ARK2C: variants seen among roughly 807,000 people sequenced by gnomAD.
ARK2C encodes the protein arkadia (RNF111) C-terminal like ring finger ubiquitin ligase 2C.
the ARK2C span, chr18:46,460,532 TTATAA>T: frequency 5.9e-5 from 9 of 152,588 alleles, no homozygotes; most frequent in Non-Finnish European, 1.3e-4. Context: ...GCATTTTTAA[TTATAA>T]TTTATTTATT....
At chr18:46,367,664 A>G in the ARK2C span, among the ~76,000 whole-genome samples, 35 of 152,154 alleles carry the variant, frequency 2.3e-4, no homozygotes, top group South Asian at 4.1e-4. Context: ...TTGTATTCAT[A>G]TGACTTTTGG....
the ARK2C span, among the ~76,000 whole-genome samples, chr18:46,400,494 G>A: frequency 1.3e-5 from 2 of 152,148 alleles, no homozygotes; most frequent in Admixed American, 1.3e-4. Flanking sequence ...TCTGTAACGG[G>A]CAGTTCGTAA....
chr18:46,384,837 C>A, the ARK2C span, among the ~76,000 whole-genome samples: 1 of 152,240 alleles, frequency 6.6e-6, no homozygotes, highest in Non-Finnish European at 1.5e-5. Context: ...GGCAAAATAG[C>A]AAGACCCTGT....
At chr18:46,336,823 G>A in the ARK2C span, 1 of 985,356 alleles carries the variant, frequency 1.0e-6, no homozygotes, top group Non-Finnish European at 1.2e-6. Flanking sequence ...CTTCTTGGCA[G>A]CACCCAGGCA....
At chr18:46,366,148 C>T in the ARK2C span, among the ~76,000 whole-genome samples, 3 of 151,730 alleles carry the variant, frequency 2.0e-5, no homozygotes, top group African/African-American at 4.8e-5. Context: ...CAAAATTAGC[C>T]GGGCGTGGTG....
the ARK2C span, among the ~76,000 whole-genome samples, chr18:46,442,818 G>C: frequency 6.6e-6 from 1 of 151,742 alleles, no homozygotes. Flanking sequence ...CACTTATTTT[G>C]ACTTATATAT....
the ARK2C span, among the ~76,000 whole-genome samples, chr18:46,358,645 A>G: frequency 6.6e-6 from 1 of 152,096 alleles, no homozygotes. Context: ...TCGTAGAATG[A>G]GCTGATCCCT....
At chr18:46,374,490 C>T in the ARK2C span, among the ~76,000 whole-genome samples, 35 of 152,156 alleles carry the variant, frequency 2.3e-4, no homozygotes, top group Non-Finnish European at 4.4e-4. Context: ...CTTGAGGCCC[C>T]TCATGTCAGT....
At chr18:46,363,712 T>A in the ARK2C span, among the ~76,000 whole-genome samples, 1 of 152,156 alleles carries the variant, frequency 6.6e-6, no homozygotes, top group Non-Finnish European at 1.5e-5. Flanking sequence ...ACCGTTATAA[T>A]GAGCTGGCCT....
chr18:46,400,776 T>C, the ARK2C span, among the ~76,000 whole-genome samples: 758 of 152,334 alleles, frequency 5.0e-3, 7 homozygotes, highest in Non-Finnish European at 8.8e-3. Flanking sequence ...GCCCCGTCAC[T>C]GTGCTCCTAA....
chr18:46,377,236 A>T, the ARK2C span, among the ~76,000 whole-genome samples: 1 of 152,218 alleles, frequency 6.6e-6, no homozygotes, highest in East Asian at 1.9e-4. Context: ...TATCCTTTAA[A>T]GAAAAAAAGT....
At chr18:46,376,664 C>CTTTTTTTT in the ARK2C span, among the ~76,000 whole-genome samples, 58 of 72,256 alleles carry the variant, frequency 8.0e-4, 4 homozygotes, top group South Asian at 1.3e-3. Context: ...GGTTAATAAT[C>CTTTTTTTT]TTTTTTTTTT....
the ARK2C span, among the ~76,000 whole-genome samples, chr18:46,362,745 G>A: frequency 3.9e-5 from 6 of 152,342 alleles, 1 homozygote; most frequent in African/African-American, 1.4e-4. Context: ...AAGTACACAT[G>A]CTCAAAGTGC....
chr18:46,373,747 ATTG>A, the ARK2C span, among the ~76,000 whole-genome samples: 1 of 152,224 alleles, frequency 6.6e-6, no homozygotes, highest in Admixed American at 6.5e-5. Context: ...TGTGGGGGGA[ATTG>A]TTATCTGAAT....
At chr18:46,342,430 A>AG in the ARK2C span, among the ~76,000 whole-genome samples, 3 of 152,242 alleles carry the variant, frequency 2.0e-5, no homozygotes, top group Non-Finnish European at 2.9e-5. Flanking sequence ...CCAAGCTTCG[A>AG]GGGGGTCTAG....
the ARK2C span, chr18:46,435,305 G>A: frequency 1.2e-6 from 2 of 1,614,012 alleles, no homozygotes; most frequent in East Asian, 2.2e-5. Flanking sequence ...TCAGGAGCGT[G>A]TATCTGTCCA....
chr18:46,405,014 T>C, the ARK2C span, among the ~76,000 whole-genome samples: 2 of 152,156 alleles, frequency 1.3e-5, no homozygotes, highest in African/African-American at 4.8e-5. Context: ...CCACAGAGCT[T>C]AGCTTGGCAA....
chr18:46,435,926 G>A, the ARK2C span, among the ~76,000 whole-genome samples: 1 of 152,234 alleles, frequency 6.6e-6, no homozygotes, highest in African/African-American at 2.4e-5. Context: ...GACTGAGGAG[G>A]GGAGCTGGGG....
the ARK2C span, among the ~76,000 whole-genome samples, chr18:46,340,575 G>A: frequency 5.3e-5 from 8 of 152,324 alleles, no homozygotes; most frequent in South Asian, 2.1e-4. Context: ...ATGTCCACAC[G>A]AATGGCAGAA....
Sources: gnomAD v4.1 joint callset for allele counts (sites outside exome capture counted in the v4.1 genomes callset) on GRCh38, gnomAD v4.1.1 for gene constraint, MANE v1.5 for transcripts, NCBI Gene and HGNC (gene_info 2026-07-23, HGNC 2026-07-21) for gene names.